Variants in PLD1 observed in about 807,000 individuals in gnomAD.
PLD1 encodes the protein phospholipase D1.
A neutral mutation model predicts 137.1 loss-of-function variants in PLD1; 112 were observed. The observed-to-expected ratio is 0.82, with a 90% CI of 0.70 to 0.96. PLD1 has a LOEUF of 0.96. PLD1 is among the 40% of genes least tolerant of loss of function. The pLI, the probability that PLD1 is intolerant of heterozygous loss-of-function variation, is 0.00. For missense variants in PLD1, 1,321 were observed against 1,342.0 expected, an observed-to-expected ratio of 0.98 and a Z score of 0.24; for synonymous variants, 431 against 454.7, an observed-to-expected ratio of 0.95 and a Z score of 0.66.
intron 1 of PLD1, among the ~76,000 whole-genome samples, chr3:171,805,032 A>G (rs1444362939): frequency 6.6e-6 from 1 of 152,188 alleles, no homozygotes; most frequent in Non-Finnish European, 1.5e-5. Flanking sequence ...TTTGAAAAAG[A>G]TCACTGTTAA....
At chr3:171,633,309 T>A (rs1734831930) in intron 23 of PLD1, among the ~76,000 whole-genome samples, 1 of 152,164 alleles carries the variant, frequency 6.6e-6, no homozygotes, top group Non-Finnish European at 1.5e-5. Flanking sequence ...GAAGAAAATA[T>A]GAGCAAGCCA....
chr3:171,662,813 T>A (rs1322466159), intron 19 of PLD1, among the ~76,000 whole-genome samples: 9 of 152,222 alleles, frequency 5.9e-5, no homozygotes, highest in African/African-American at 2.2e-4. Flanking sequence ...AACTTTCTAA[T>A]GGCATAATAA....
chr3:171,709,927 A>G (rs1197384844), intron 9 of PLD1, among the ~76,000 whole-genome samples: 4 of 152,242 alleles, frequency 2.6e-5, no homozygotes, highest in African/African-American at 7.2e-5. Flanking sequence ...GCAAACATGC[A>G]TAAAGGTACT....
chr3:171,799,918 A>C (rs1316738627), intron 1 of PLD1, among the ~76,000 whole-genome samples: 3 of 152,200 alleles, frequency 2.0e-5, no homozygotes, highest in African/African-American at 7.2e-5. Flanking sequence ...AAAAACAAGG[A>C]AAGTCTGAGC....
In PLD1 at chr3:171,674,789, C is replaced by A. The variant is rs548058712; in HGVS notation, c.2116-176G>T. The stretch of plus-strand genomic sequence containing the variant: ...GGTCAGGAGTTCGAGATCAGCCTGG[C>A]CAACACGGTGAAACCCCCATCTCTA... On this transcript the variant is annotated intron_variant, in intron 18 of 26. Coordinates refer to ENST00000351298, the MANE Select transcript of PLD1 (RefSeq NM_002662.5). 2.0e-5 allele frequency among the ~76,000 whole-genome samples: 3 copies of A among 151,862 alleles called. No individual in the cohort carries two copies. In the South Asian group the frequency reaches 6.3e-4, roughly 32 times the overall value.
chr3:171,734,575 A>T (rs1349035600), intron 5 of PLD1, among the ~76,000 whole-genome samples: 1 of 150,222 alleles, frequency 6.7e-6, no homozygotes, highest in African/African-American at 2.5e-5. Flanking sequence ...CACAACAATG[A>T]GTTCAATCTT....
chr3:171,700,089 C>T (rs983734371), intron 11 of PLD1, among the ~76,000 whole-genome samples: 4 of 150,138 alleles, frequency 2.7e-5, no homozygotes, highest in South Asian at 2.1e-4. Context: ...CCCACATGCT[C>T]ACATATGCAC....
intron 25 of PLD1, among the ~76,000 whole-genome samples, chr3:171,606,863 G>A (rs972844947): frequency 2.6e-5 from 4 of 152,080 alleles, no homozygotes; most frequent in Non-Finnish European, 5.9e-5. Flanking sequence ...GTACATTTCT[G>A]TGATTATTTC....
intron 1 of PLD1, 91 bp from the exon 2 acceptor site, chr3:171,738,173 A>G: frequency 1.4e-6 from 1 of 703,904 alleles, no homozygotes; most frequent in Non-Finnish European, 2.3e-6. Flanking sequence ...GATACAGCAT[A>G]TGGAAACAAT....
chr3:171,695,175 T>G (rs1298474792), intron 12 of PLD1, among the ~76,000 whole-genome samples: 1 of 152,184 alleles, frequency 6.6e-6, no homozygotes, highest in Non-Finnish European at 1.5e-5. Flanking sequence ...GTTGTTATAG[T>G]GTAGGCTTAT....
Position 171,688,857 on chromosome 3 carries a change from TG to T in PLD1, c.1357del (p.His453MetfsTer48), listed in dbSNP as rs1578278926. 5 of 1,613,644 alleles carry T rather than the reference TG, an allele frequency of 3.1e-6. No individual in the cohort carries two copies. In the East Asian group the frequency reaches 1.1e-4, roughly 36 times the overall value. On this transcript the variant is annotated frameshift_variant, in exon 14 of 27. Transcript: ENST00000351298. LOFTEE classifies it high-confidence loss of function. Reference protein sequence around the residue: ...PNIKVMRHPDHVSSTVYLWAH... With the variant: ...PNIKVMRHPDXVSSTVYLWAH... ...CCACAAATAGACGGTGGATGACACA[TG>T]ATCCGGGTGTCTCATCACCTTGAGA... is the stretch of plus-strand genomic sequence containing the variant.
intron 6 of PLD1, among the ~76,000 whole-genome samples, chr3:171,730,362 G>C (rs1417876115): frequency 1.3e-5 from 2 of 151,602 alleles, no homozygotes; most frequent in Non-Finnish European, 2.9e-5. Flanking sequence ...TGAGGCAACT[G>C]TCTGATCATG....
intron 8 of PLD1, among the ~76,000 whole-genome samples, chr3:171,720,452 G>C (rs930955379): frequency 6.6e-6 from 1 of 151,894 alleles, no homozygotes; most frequent in Non-Finnish European, 1.5e-5. Context: ...CGTCATGCCG[G>C]GCGCCTGTAG....
At chr3:171,720,994 C>T (rs934604286) in intron 8 of PLD1, among the ~76,000 whole-genome samples, 1 of 152,160 alleles carries the variant, frequency 6.6e-6, no homozygotes, top group East Asian at 1.9e-4. Context: ...ACCATTTTTC[C>T]CCTTTAAAGC....
chr3:171,685,974 C>T (rs1211466645), intron 16 of PLD1, among the ~76,000 whole-genome samples: 1 of 151,978 alleles, frequency 6.6e-6, no homozygotes, highest in Admixed American at 6.6e-5. Flanking sequence ...CAAAAATTAG[C>T]CAGGCACGGT....
chr3:171,688,222 C>T (rs998649037), intron 14 of PLD1, among the ~76,000 whole-genome samples: 1 of 152,170 alleles, frequency 6.6e-6, no homozygotes, highest in African/African-American at 2.4e-5. Context: ...TCACTTCTGG[C>T]TCAAATTCCC....
chr3:171,605,242 C>T (rs1426573379), intron 26 of PLD1, 57 bp downstream of exon 26: 1 of 984,652 alleles, frequency 1.0e-6, no homozygotes, highest in Non-Finnish European at 1.7e-6. Flanking sequence ...TAACAATATG[C>T]TTTTTGTGAT....
chr3:171,650,990 T>C (rs1383863158), intron 21 of PLD1, among the ~76,000 whole-genome samples: 3 of 152,174 alleles, frequency 2.0e-5, no homozygotes, highest in African/African-American at 7.2e-5. Context: ...ACCATGTAGA[T>C]GGGTCACAGC....
chr3:171,764,933 G>GGAAAGAAA (rs151169443), intron 1 of PLD1, among the ~76,000 whole-genome samples: 15 of 23,752 alleles, frequency 6.3e-4, no homozygotes, highest in Middle Eastern at 0.028. Flanking sequence ...AGGAAAGAAA[G>GGAAAGAAA]GAAAGAAAGA....
Sources: allele counts gnomAD v4.1 joint callset (sites outside exome capture counted in the v4.1 genomes callset), GRCh38; gene constraint gnomAD v4.1.1; transcripts MANE v1.5; gene names NCBI Gene and HGNC (gene_info 2026-07-23, HGNC 2026-07-21).